The following GRIA3 variants were observed in gnomAD, a reference collection of about 807,000 sequenced individuals.
The protein encoded by GRIA3 is glutamate receptor 3.
Under a neutral mutation model 63.0 loss-of-function variants are expected in GRIA3, and 3 were observed. The ratio of observed to expected loss-of-function variants is 0.05; its 90% CI spans 0.02 to 0.12. The LOEUF is 0.12. Among genes scored for constraint, GRIA3 ranks in the 10% least tolerant of loss-of-function variants. GRIA3 has a pLI of 1.00. For synonymous variants in GRIA3, 274 were observed against 257.9 expected (o/e 1.06, Z -0.60); for missense variants, 347 against 700.9 (o/e 0.50, Z 5.70).
In GRIA3 at chrX:123,227,962, G is replaced by T. The variant is rs142851353; in HGVS notation, c.269-25341G>T. 3.5e-3 allele frequency among the ~76,000 whole-genome samples: 387 copies of T among 112,044 alleles called. 2 individuals are homozygous for T. Among genetic ancestry groups the T allele is most frequent in the African/African-American group, 0.012 (364 of 30,850 alleles). ...GTGTGAGGAAGGACTTGCATTCAAG[G>T]CTGTTTGAACTTTCCGTGTTAAGCC... On this transcript the variant is annotated intron_variant, in intron 2 of 15. Coordinates refer to ENST00000620443, the MANE Select transcript of GRIA3 (RefSeq NM_007325.5).
At chrX:123,268,464 T>C (rs2044500865) in intron 3 of GRIA3, among the ~76,000 whole-genome samples, 1 of 108,875 alleles carries the variant, frequency 9.2e-6, no homozygotes, top group Admixed American at 9.9e-5. Context: ...CTTTTGATAA[T>C]ATAAATAATA....
intron 9 of GRIA3, 29 bp from the exon 10 acceptor site, chrX:123,404,679 A>T: frequency 9.6e-7 from 1 of 1,040,162 alleles, no homozygotes; most frequent in Non-Finnish European, 1.4e-6. Flanking sequence ...TATAGGAGTA[A>T]TCCTTTTATC....
At chrX:123,458,304 C>A (rs970788991) in intron 12 of GRIA3, among the ~76,000 whole-genome samples, 7 of 109,010 alleles carry the variant, frequency 6.4e-5, no homozygotes, top group Admixed American at 5.9e-4. Context: ...CATTGCAAAG[C>A]AAAATAATCA....
chrX:123,256,097 AC>A (rs1216766244), intron 3 of GRIA3, among the ~76,000 whole-genome samples: 5 of 111,064 alleles, frequency 4.5e-5, no homozygotes, highest in African/African-American at 1.6e-4. Flanking sequence ...TTTTACTACT[AC>A]CTGGAATTCT....
chrX:123,454,360 T>C (rs975671123), intron 12 of GRIA3, among the ~76,000 whole-genome samples: 1 of 111,770 alleles, frequency 8.9e-6, no homozygotes, highest in Non-Finnish European at 1.9e-5. Context: ...ATCTATTTCA[T>C]AGAGTTGTTG....
At chrX:123,393,928 C>A in intron 5 of GRIA3, among the ~76,000 whole-genome samples, 1 of 111,994 alleles carries the variant, frequency 8.9e-6, no homozygotes, top group Middle Eastern at 4.6e-3. Context: ...TGCTACTTGT[C>A]CCAGAAGATA....
chrX:123,317,173 C>A (rs1328147302), intron 3 of GRIA3, among the ~76,000 whole-genome samples: 1 of 111,149 alleles, frequency 9.0e-6, no homozygotes, highest in African/African-American at 3.3e-5. Context: ...TGAGAAAAAC[C>A]AGCCCCCATG....
intron 5 of GRIA3, among the ~76,000 whole-genome samples, chrX:123,390,224 A>G (rs1262539627): frequency 9.0e-5 from 10 of 111,440 alleles, no homozygotes; most frequent in Non-Finnish European, 1.9e-4. Context: ...TGTTTGCTCT[A>G]TCAGTGGGTT....
At chrX:123,443,940 CT>C (rs935383547) in intron 12 of GRIA3, among the ~76,000 whole-genome samples, 1 of 111,034 alleles carries the variant, frequency 9.0e-6, no homozygotes, top group Non-Finnish European at 1.9e-5. Context: ...GTGGTGAGGA[CT>C]TCTATGTTGG....
At chrX:123,398,950 A>AC in intron 7 of GRIA3, 147 bp downstream of exon 7, 1 of 457,176 alleles carries the variant, frequency 2.2e-6, no homozygotes, top group South Asian at 3.8e-5. Context: ...AAGTATAGCC[A>AC]TTTCTATAAA....
intron 12 of GRIA3, among the ~76,000 whole-genome samples, chrX:123,429,792 C>A (rs901887876): frequency 1.8e-5 from 2 of 111,673 alleles, no homozygotes; most frequent in African/African-American, 6.6e-5. Flanking sequence ...AGACACCAGA[C>A]TTGAACCCTC....
intron 12 of GRIA3, among the ~76,000 whole-genome samples, chrX:123,462,742 A>G (rs1258091622): frequency 8.9e-6 from 1 of 111,883 alleles, no homozygotes; most frequent in African/African-American, 3.2e-5. Flanking sequence ...TCTAGAGAAG[A>G]GCAACTAAAT....
intron 3 of GRIA3, 56 bp from the exon 4 acceptor site, chrX:123,325,970 C>CT: frequency 9.9e-7 from 1 of 1,007,913 alleles, no homozygotes; most frequent in Admixed American, 2.3e-5. Flanking sequence ...TCAGTAGAAT[C>CT]TTTAATACCT....
At chrX:123,260,407 AGACAGACAGACAGACAGAC>A (rs1569409554) in intron 3 of GRIA3, among the ~76,000 whole-genome samples, 136 of 8,247 alleles carry the variant, frequency 0.016, 22 homozygotes, top group East Asian at 0.06. Flanking sequence ...AAAGAAAGAC[AGACAGACAGACAGACAGAC>A]AGAAAGAAAG....
intron 5 of GRIA3, among the ~76,000 whole-genome samples, chrX:123,392,800 A>T (rs757942169): frequency 4.5e-5 from 5 of 112,212 alleles, no homozygotes; most frequent in Non-Finnish European, 9.4e-5. Flanking sequence ...TTTGTATGGG[A>T]GGTGAGTTCT....
rs760030666 is a variant in GRIA3 at position 123,214,273 on chromosome X, C to T, written c.268+28283C>T. Among the ~76,000 whole-genome samples the T allele has an allele frequency of 7.1e-4, 79 of 111,732 alleles. 1 individual carries two copies. The highest frequency in any genetic ancestry group is 2.4e-3 in the African/African-American group (75 of 30,781). On this transcript the variant is annotated intron_variant, in intron 2 of 15. Coordinates refer to ENST00000620443, the MANE Select transcript of GRIA3 (RefSeq NM_007325.5). ...ACTTAACATAAGCTTTTAAGGTTTT[C>T]AGAAGCAGTAACCGGCAAACAGATT...
At chrX:123,220,959 T>A (rs778863659) in intron 2 of GRIA3, among the ~76,000 whole-genome samples, 3 of 112,519 alleles carry the variant, frequency 2.7e-5, no homozygotes, top group Non-Finnish European at 5.6e-5. Context: ...ATAGTTTTGT[T>A]GATCCTGACA....
intron 4 of GRIA3, among the ~76,000 whole-genome samples, chrX:123,333,926 C>T (rs1036217083): frequency 4.5e-5 from 5 of 111,177 alleles, no homozygotes; most frequent in African/African-American, 1.6e-4. Context: ...AGTTGGTTGC[C>T]TTATTCTTCC....
chrX:123,487,122 G>A (rs1266923854), intron 15 of GRIA3, among the ~76,000 whole-genome samples: 1 of 112,540 alleles, frequency 8.9e-6, no homozygotes, highest in Non-Finnish European at 1.9e-5. Context: ...CTGGGTTACT[G>A]ACCAGCCACT....
Sources: gnomAD v4.1 joint callset for allele counts (sites outside exome capture counted in the v4.1 genomes callset) on GRCh38, gnomAD v4.1.1 for gene constraint, MANE v1.5 for transcripts, NCBI Gene and HGNC (gene_info 2026-07-23, HGNC 2026-07-21) for gene names.